Variants in KCND2 observed in about 807,000 individuals in gnomAD.
KCND2 encodes the protein A-type voltage-gated potassium channel KCND2.
Under a neutral mutation model 54.4 loss-of-function variants are expected in KCND2, and 16 were observed. The observed-to-expected ratio is 0.29, with a 90% CI of 0.20 to 0.45. The LOEUF (loss-of-function observed/expected upper bound fraction) is 0.45. Among genes scored for constraint, KCND2 ranks in the 20% least tolerant of loss-of-function variants. The probability of loss-of-function intolerance (pLI) is 1.00; values close to 1 mark genes in which losing one functional copy is unlikely to be tolerated. For missense variants in KCND2, 486 were observed against 824.2 expected, an observed-to-expected ratio of 0.59 and a Z score of 5.02; for synonymous variants, 317 against 310.7, an observed-to-expected ratio of 1.02 and a Z score of -0.21.
chr7:120,588,148 G>T (rs1232005979), intron 1 of KCND2, among the ~76,000 whole-genome samples: 2 of 152,062 alleles, frequency 1.3e-5, no homozygotes, highest in Non-Finnish European at 2.9e-5. Context: ...TGGTATTTAT[G>T]TAATACAAAT....
intron 1 of KCND2, among the ~76,000 whole-genome samples, chr7:120,367,564 TA>T (rs1209549564): frequency 1.5e-3 from 214 of 141,290 alleles, no homozygotes; most frequent in Middle Eastern, 3.7e-3. Flanking sequence ...AATCCATAGT[TA>T]AAAAAAAAAA....
At chr7:120,345,567 C>T (rs1352155182) in intron 1 of KCND2, among the ~76,000 whole-genome samples, 1 of 152,138 alleles carries the variant, frequency 6.6e-6, no homozygotes, top group African/African-American at 2.4e-5. Context: ...GACTCCCTGG[C>T]AACCACCATT....
intron 1 of KCND2, among the ~76,000 whole-genome samples, chr7:120,436,692 G>A (rs1801870866): frequency 6.6e-6 from 1 of 152,142 alleles, no homozygotes; most frequent in Non-Finnish European, 1.5e-5. Context: ...CACCCACTGA[G>A]ACTTCCTGCT....
chr7:120,591,309 C>T (rs1489338072), intron 1 of KCND2, among the ~76,000 whole-genome samples: 1 of 152,144 alleles, frequency 6.6e-6, no homozygotes, highest in Admixed American at 6.5e-5. Flanking sequence ...CACTAAGTAT[C>T]ATCGGTAGTG....
rs115175465 is a variant in KCND2, at chr7:120,606,561, C to T, written c.1116-126342C>T. 1.7e-3 allele frequency among the ~76,000 whole-genome samples: 257 copies of T among 152,032 alleles called. 2 individuals are homozygous for T. The highest frequency in any genetic ancestry group is 5.6e-3 in the African/African-American group (232 of 41,486). On this transcript the variant is annotated intron_variant, in intron 1 of 5. Coordinates refer to ENST00000331113, the MANE Select transcript of KCND2 (RefSeq NM_012281.3). ...ATTGAGTTAATTTTTATATATAGTACGCAGAAGGGGTCATTATTTTTCTTG... is the reference window on the plus strand; with the variant it reads ...ATTGAGTTAATTTTTATATATAGTATGCAGAAGGGGTCATTATTTTTCTTG...
chr7:120,550,949 A>C (rs1792098461), intron 1 of KCND2, among the ~76,000 whole-genome samples: 1 of 152,214 alleles, frequency 6.6e-6, no homozygotes, highest in South Asian at 2.1e-4. Context: ...TCCAAAGAGA[A>C]GATTGTGTTA....
At chr7:120,365,626 G>A (rs2116407212) in intron 1 of KCND2, among the ~76,000 whole-genome samples, 1 of 152,152 alleles carries the variant, frequency 6.6e-6, no homozygotes, top group Middle Eastern at 3.4e-3. Context: ...GGACCTATGG[G>A]GAATGAATGC....
At chr7:120,555,221 A>G (rs1340491349) in intron 1 of KCND2, among the ~76,000 whole-genome samples, 1 of 152,154 alleles carries the variant, frequency 6.6e-6, no homozygotes, top group Admixed American at 6.5e-5. Context: ...AACTAAACTC[A>G]TAGAGGATTT....
chr7:120,401,681 C>G (rs1040668424), intron 1 of KCND2, among the ~76,000 whole-genome samples: 3 of 152,102 alleles, frequency 2.0e-5, no homozygotes, highest in Non-Finnish European at 2.9e-5. Context: ...ACATTTCTGC[C>G]TCTGACACAA....
chr7:120,593,668 G>A (rs1434886373), intron 1 of KCND2, among the ~76,000 whole-genome samples: 4 of 151,870 alleles, frequency 2.6e-5, no homozygotes, highest in Non-Finnish European at 5.9e-5. Context: ...TGGAATGATG[G>A]TAGAATATAT....
At chr7:120,738,055 T>C (rs1489614749) in intron 2 of KCND2, among the ~76,000 whole-genome samples, 3 of 152,016 alleles carry the variant, frequency 2.0e-5, no homozygotes, top group African/African-American at 7.2e-5. Flanking sequence ...CTATAAAGTT[T>C]ATGTCACTTG....
chr7:120,414,187 A>T (rs994031919), intron 1 of KCND2, among the ~76,000 whole-genome samples: 5 of 152,070 alleles, frequency 3.3e-5, no homozygotes, highest in African/African-American at 1.2e-4. Flanking sequence ...AACAGTGACA[A>T]AAAAGATGCA....
chr7:120,598,590 G>A (rs898308762), intron 1 of KCND2, among the ~76,000 whole-genome samples: 2 of 151,416 alleles, frequency 1.3e-5, no homozygotes, highest in African/African-American at 4.9e-5. Context: ...GGGGCGGGTG[G>A]CATTGGTTTG....
intron 1 of KCND2, among the ~76,000 whole-genome samples, chr7:120,444,565 G>C (rs1801992280): frequency 6.6e-6 from 1 of 151,962 alleles, no homozygotes; most frequent in Non-Finnish European, 1.5e-5. Context: ...AATATTTGCT[G>C]TAAAACCCTG....
chr7:120,574,582 T>C (rs896902717), intron 1 of KCND2, among the ~76,000 whole-genome samples: 3 of 152,152 alleles, frequency 2.0e-5, no homozygotes, highest in Admixed American at 6.6e-5. Flanking sequence ...CAAACTTAGC[T>C]TCACTTCAAA....
intron 1 of KCND2, among the ~76,000 whole-genome samples, chr7:120,278,596 G>A (rs1467417435): frequency 1.3e-5 from 2 of 151,404 alleles, no homozygotes; most frequent in South Asian, 2.1e-4. Context: ...AGCTTCTAGA[G>A]TATTTTAGAC....
At chr7:120,640,195 T>C (rs1263968937) in intron 1 of KCND2, among the ~76,000 whole-genome samples, 1 of 152,134 alleles carries the variant, frequency 6.6e-6, no homozygotes, top group Non-Finnish European at 1.5e-5. Flanking sequence ...TTTTAGATGA[T>C]ATATATAAAT....
chr7:120,685,246 T>C (rs1214949237), intron 1 of KCND2, among the ~76,000 whole-genome samples: 2 of 152,166 alleles, frequency 1.3e-5, no homozygotes, highest in African/African-American at 4.8e-5. Context: ...AATCCATCTT[T>C]CTACTACAAG....
At chr7:120,416,868 CAG>C (rs1460708543) in intron 1 of KCND2, among the ~76,000 whole-genome samples, 2 of 151,848 alleles carry the variant, frequency 1.3e-5, no homozygotes, top group Admixed American at 6.6e-5. Flanking sequence ...TCCTTTGAGG[CAG>C]AGTCTCGCTC....
Sources: gnomAD v4.1 joint callset for allele counts (sites outside exome capture counted in the v4.1 genomes callset) on GRCh38, gnomAD v4.1.1 for gene constraint, MANE v1.5 for transcripts, NCBI Gene and HGNC (gene_info 2026-07-23, HGNC 2026-07-21) for gene names.